MAGI3: variants seen among roughly 807,000 people sequenced by gnomAD.
MAGI3 encodes membrane associated guanylate kinase, WW and PDZ domain containing 3.
In MAGI3, 43 loss-of-function variants were observed where a neutral mutation model predicts 121.8. The observed-to-expected ratio is 0.35, with a 90% confidence interval of 0.28 to 0.46. The LOEUF (loss-of-function observed/expected upper bound fraction) is 0.46. Among genes scored for constraint, MAGI3 ranks in the 20% least tolerant of loss-of-function variants. The probability of loss-of-function intolerance (pLI) is 1.00; values close to 1 mark genes in which losing one functional copy is unlikely to be tolerated. For missense variants in MAGI3, 1,547 were observed against 1,797.3 expected (o/e 0.86, Z 2.52); for synonymous variants, 553 against 639.3 (o/e 0.86, Z 2.04).
intron 2 of MAGI3, among the ~76,000 whole-genome samples, chr1:113,563,989 C>A (rs1557825529): frequency 1.3e-5 from 2 of 152,170 alleles, no homozygotes; most frequent in Non-Finnish European, 2.9e-5. Flanking sequence ...TAAATATTCT[C>A]CCTCAGCTTT....
At chr1:113,503,219 T>TAAAAAAAA (rs869272201) in intron 1 of MAGI3, among the ~76,000 whole-genome samples, 6 of 8,994 alleles carry the variant, frequency 6.7e-4, no homozygotes, top group Non-Finnish European at 9.4e-4. Context: ...AGAGTATAAT[T>TAAAAAAAA]AAAAAAAAAA....
intron 1 of MAGI3, among the ~76,000 whole-genome samples, chr1:113,445,000 C>G (rs923459254): frequency 6.6e-6 from 1 of 151,984 alleles, no homozygotes; most frequent in African/African-American, 2.4e-5. Flanking sequence ...TTTGAGCAGG[C>G]AGAAGAATGA....
At chr1:113,575,084 C>T (rs189039284) in intron 2 of MAGI3, among the ~76,000 whole-genome samples, 4 of 152,224 alleles carry the variant, frequency 2.6e-5, no homozygotes, top group Admixed American at 6.5e-5. Context: ...GTTAGCAGTT[C>T]CTGTAACCTT....
intron 1 of MAGI3, among the ~76,000 whole-genome samples, chr1:113,525,413 A>G (rs1479395650): frequency 6.6e-6 from 1 of 151,932 alleles, no homozygotes; most frequent in African/African-American, 2.4e-5. Flanking sequence ...ACTATAGGGC[A>G]GTAGCTTGCT....
At chr1:113,514,385 A>T (rs966333839) in intron 1 of MAGI3, among the ~76,000 whole-genome samples, 41 of 152,256 alleles carry the variant, frequency 2.7e-4, no homozygotes, top group South Asian at 1.7e-3. Flanking sequence ...CAAATGTCCA[A>T]CAATGATAGA....
rs1260302792 is a variant in MAGI3 at position 113,643,758 on chromosome 1, C to T, written c.1982C>T (p.Thr661Ile). The T allele has an allele frequency of 6.2e-7, 1 of 1,613,794 alleles. No individual in the cohort carries two copies. Among genetic ancestry groups the T allele is most frequent in the South Asian group, 1.1e-5 (1 of 91,058 alleles). The stretch of plus-strand genomic sequence containing the variant: ...TTTTTTTAAGGTCCTCCTTCACCAA[C>T]CAAAACTGCCAAAATGGTGAGTATA... ...LILRGGPPSP[T>I]KTAKMKTDKK... The change falls in exon 11 of 21, where the codon ACC (threonine) becomes ATC (isoleucine). Residue 661 changes from threonine (T) to isoleucine (I), a missense_variant. Coordinates refer to ENST00000307546, the MANE Select transcript of MAGI3 (RefSeq NM_001142782.2).
chr1:113,416,083 A>T (rs1432294873), intron 1 of MAGI3, among the ~76,000 whole-genome samples: 1 of 148,050 alleles, frequency 6.8e-6, no homozygotes, highest in Non-Finnish European at 1.5e-5. Flanking sequence ...TTAATGACAC[A>T]TATTAATTAT....
At chr1:113,546,879 G>A (rs940703050) in intron 1 of MAGI3, among the ~76,000 whole-genome samples, 23 of 151,466 alleles carry the variant, frequency 1.5e-4, no homozygotes, top group Non-Finnish European at 2.5e-4. Context: ...TCAGGAGATC[G>A]AGGCCAACCT....
intron 1 of MAGI3, among the ~76,000 whole-genome samples, chr1:113,513,381 A>G (rs1434980733): frequency 1.3e-5 from 2 of 152,206 alleles, no homozygotes; most frequent in Non-Finnish European, 2.9e-5. Flanking sequence ...AAACTATACT[A>G]CAAGGCTACA....
intron 19 of MAGI3, among the ~76,000 whole-genome samples, chr1:113,679,403 A>C (rs1050091314): frequency 6.6e-6 from 1 of 152,150 alleles, no homozygotes; most frequent in African/African-American, 2.4e-5. Context: ...GATGGCCTCC[A>C]GCTCCATCCA....
chr1:113,482,038 T>G (rs1249293214), intron 1 of MAGI3, among the ~76,000 whole-genome samples: 2 of 151,952 alleles, frequency 1.3e-5, no homozygotes, highest in African/African-American at 4.8e-5. Context: ...AAACTTAAAC[T>G]ATGTAATAAT....
intron 1 of MAGI3, among the ~76,000 whole-genome samples, chr1:113,547,240 CAT>C (rs1659577709): frequency 6.6e-6 from 1 of 151,660 alleles, no homozygotes; most frequent in Non-Finnish European, 1.5e-5. Flanking sequence ...GAGTTTTTAG[CAT>C]TTTATAGTTA....
intron 1 of MAGI3, among the ~76,000 whole-genome samples, chr1:113,472,211 T>G (rs12119281): frequency 0.062 from 9,336 of 151,768 alleles, 319 homozygotes; most frequent in Non-Finnish European, 0.074. Context: ...CTTGTTTTTT[T>G]TTTTTTTTTG....
At chr1:113,418,513 A>T (rs1652570956) in intron 1 of MAGI3, among the ~76,000 whole-genome samples, 2 of 151,712 alleles carry the variant, frequency 1.3e-5, no homozygotes, top group African/African-American at 2.4e-5. Context: ...TCCATAGAGC[A>T]CTCCCTTTTG....
At chr1:113,643,516 G>C (rs3747998) in intron 10 of MAGI3, among the ~76,000 whole-genome samples, 32,982 of 152,100 alleles carry the variant, frequency 0.22, 4,475 homozygotes, top group South Asian at 0.39. Context: ...GTATAGGAAA[G>C]AATCTTAGTT....
intron 9 of MAGI3, among the ~76,000 whole-genome samples, chr1:113,641,477 A>G (rs1031749698): frequency 5.3e-5 from 8 of 151,974 alleles, no homozygotes; most frequent in Non-Finnish European, 1.0e-4. Flanking sequence ...ACATACATAC[A>G]GATATATAAA....
At chr1:113,589,469 G>A (rs1648566996) in intron 4 of MAGI3, among the ~76,000 whole-genome samples, 1 of 152,062 alleles carries the variant, frequency 6.6e-6, no homozygotes, top group Admixed American at 6.6e-5. Flanking sequence ...GTATTATGAA[G>A]TAAGGTTAGG....
chr1:113,526,499 C>G (rs1341046297), intron 1 of MAGI3, among the ~76,000 whole-genome samples: 4 of 152,138 alleles, frequency 2.6e-5, no homozygotes, highest in African/African-American at 9.7e-5. Context: ...TGAGGAATGT[C>G]AGAATGACGG....
chr1:113,514,012 A>C (rs550482687), intron 1 of MAGI3, among the ~76,000 whole-genome samples: 24 of 152,184 alleles, frequency 1.6e-4, no homozygotes, highest in Middle Eastern at 3.4e-3. Context: ...CAGCCAAAAA[A>C]CACATGAAAA....
Sources: gnomAD v4.1 joint callset for allele counts (sites outside exome capture counted in the v4.1 genomes callset) on GRCh38, gnomAD v4.1.1 for gene constraint, MANE v1.5 for transcripts, NCBI Gene and HGNC (gene_info 2026-07-23, HGNC 2026-07-21) for gene names.